PTPN1: variants seen among roughly 807,000 people sequenced by gnomAD.
The protein encoded by PTPN1 is protein tyrosine phosphatase non-receptor type 1, also known as tyrosine-protein phosphatase non-receptor type 1.
PTPN1 carries 12 observed loss-of-function variants against 59.9 expected under a neutral mutation model. The observed-to-expected ratio is 0.20, with a 90% CI of 0.13 to 0.32. The LOEUF (loss-of-function observed/expected upper bound fraction) is 0.32. Ranked by LOEUF, PTPN1 falls within the 10% of genes least tolerant of loss-of-function variation. The probability of loss-of-function intolerance (pLI) is 1.00; values close to 1 mark genes in which losing one functional copy is unlikely to be tolerated. For missense variants in PTPN1, 356 were observed against 549.2 expected (o/e 0.65, Z 3.52); for synonymous variants, 178 against 203.6 (o/e 0.87, Z 1.07).
chr20:50,562,352 A>G (rs2122778686), intron 2 of PTPN1, among the ~76,000 whole-genome samples: 1 of 152,284 alleles, frequency 6.6e-6, no homozygotes, highest in African/African-American at 2.4e-5. Context: ...GTGCATCCTG[A>G]CCTGACTTAT....
At chr20:50,530,946 C>G (rs1363368362) in intron 1 of PTPN1, among the ~76,000 whole-genome samples, 1 of 152,086 alleles carries the variant, frequency 6.6e-6, no homozygotes, top group Non-Finnish European at 1.5e-5. Context: ...TCAAGCAGTC[C>G]TCCTGCCTTG....
intron 1 of PTPN1, among the ~76,000 whole-genome samples, chr20:50,537,022 C>T (rs550046922): frequency 3.9e-5 from 6 of 152,158 alleles, no homozygotes; most frequent in South Asian, 2.1e-4. Flanking sequence ...GATTCCTGTG[C>T]AGTTGAAAGA....
At chr20:50,563,106 CAAAAAAAAA>C (rs11483604) in intron 2 of PTPN1, 1 of 93,074 alleles carries the variant, frequency 1.1e-5, no homozygotes, top group African/African-American at 4.5e-5. Flanking sequence ...CTTGACTAGC[CAAAAAAAAA>C]AAAAAAAAAA....
intron 4 of PTPN1, chr20:50,573,695 CTCTGCCCCTGCTGA>C (rs1234918203): frequency 2.0e-5 from 3 of 152,250 alleles, no homozygotes; most frequent in African/African-American, 7.2e-5. Context: ...GACCCGGTAG[CTCTGCCCCTGCTGA>C]CCTGCCATTT....
At chr20:50,552,959 T>TA (rs1285393818) in intron 1 of PTPN1, among the ~76,000 whole-genome samples, 1 of 152,118 alleles carries the variant, frequency 6.6e-6, no homozygotes, top group Admixed American at 6.5e-5. Flanking sequence ...CTACTTATTA[T>TA]AAAAAAATAA....
At chr20:50,535,457 C>A (rs550865781) in intron 1 of PTPN1, among the ~76,000 whole-genome samples, 1 of 152,126 alleles carries the variant, frequency 6.6e-6, no homozygotes, top group Non-Finnish European at 1.5e-5. Context: ...ATTGAATCCC[C>A]TCTTTTTTGT....
In PTPN1 at chr20:50,567,436, TA is replaced by T. The variant is rs554480073; in HGVS notation, c.256-935del. Among the ~76,000 whole-genome samples, 31 of 150,370 alleles carry T rather than the reference TA, an allele frequency of 2.1e-4. No homozygotes were observed. The South Asian group carries it at 4.0e-3, about 19-fold the overall frequency. ...AGCGAGACTCTGCCTCAAAAAAAAT[TA>T]AAAAAAAATAAAGAGGTTAGGTGAA... On this transcript the variant is annotated intron_variant, in intron 3 of 9. Transcript: ENST00000371621.
chr20:50,538,122 C>T (rs1222665495), intron 1 of PTPN1, among the ~76,000 whole-genome samples: 3 of 151,926 alleles, frequency 2.0e-5, no homozygotes, highest in Admixed American at 6.6e-5. Flanking sequence ...TTGATTTATA[C>T]TTCCTGGTTT....
chr20:50,579,012 TC>T (rs2082851383), intron 6 of PTPN1, among the ~76,000 whole-genome samples, 155 bp from the exon 7 acceptor site: 1 of 152,086 alleles, frequency 6.6e-6, no homozygotes, highest in Admixed American at 6.5e-5. Context: ...GAGGGACCTG[TC>T]CCCCTGACCC....
Position 50,574,776 on chromosome 20 carries a change from G to A in PTPN1, c.492+122G>A. The A allele has an allele frequency of 3.0e-6, 4 of 1,312,272 alleles. No individual in the cohort carries two copies. In the East Asian group the frequency reaches 1.0e-4, roughly 33 times the overall value. 81.3% of individuals were successfully genotyped at this position (1,312,272 alleles called of 1,614,324 possible). Reference sequence around the variant, plus strand: ...GGCTTTTGTATACCCCGAGCAAGATGTGGTTTGGGCACTGTGGTGAGCGGA... The same window carrying A: ...GGCTTTTGTATACCCCGAGCAAGATATGGTTTGGGCACTGTGGTGAGCGGA... On this transcript the variant is annotated intron_variant, in intron 5 of 9. Coordinates refer to ENST00000371621, the MANE Select transcript of PTPN1 (RefSeq NM_002827.4).
In PTPN1 at chr20:50,539,788, A is replaced by C. The variant is rs2082641427; in HGVS notation, c.64-21575A>C. On this transcript the variant is annotated intron_variant, in intron 1 of 9. Coordinates refer to ENST00000371621, the MANE Select transcript of PTPN1 (RefSeq NM_002827.4). ...AGGATTTTTTTAACCTTTTAATTCA[A>C]AGTCTCATCATTTATGCAACCATGT... Among the ~76,000 whole-genome samples, 3 of 151,870 alleles carry C rather than the reference A, an allele frequency of 2.0e-5. No individual in the cohort carries two copies. The South Asian group carries it at 6.3e-4, about 32-fold the overall frequency.
intron 3 of PTPN1, 115 bp downstream of exon 3, chr20:50,565,184 A>G: frequency 2.8e-6 from 3 of 1,072,328 alleles, no homozygotes; most frequent in Non-Finnish European, 3.9e-6. Flanking sequence ...ATTTCAGCAT[A>G]CCAAAAAGCA....
At chr20:50,519,791 G>A (rs77012822) in intron 1 of PTPN1, among the ~76,000 whole-genome samples, 1 of 152,100 alleles carries the variant, frequency 6.6e-6, no homozygotes, top group Non-Finnish European at 1.5e-5. Flanking sequence ...GAAGTTAAAG[G>A]GTGCAGTTGG....
chr20:50,531,376 T>G (rs1159107230), intron 1 of PTPN1, among the ~76,000 whole-genome samples: 1 of 152,066 alleles, frequency 6.6e-6, no homozygotes, highest in Admixed American at 6.5e-5. Context: ...GGGAGTCTTT[T>G]TTTGTTTGTT....
intron 1 of PTPN1, among the ~76,000 whole-genome samples, chr20:50,537,792 G>C (rs886257895): frequency 2.0e-5 from 3 of 152,164 alleles, no homozygotes; most frequent in African/African-American, 7.2e-5. Flanking sequence ...GGTGCTGAAA[G>C]GTATGCTGGA....
At position 50,554,380 on chromosome 20, in the gene PTPN1, A is replaced by ATCTCTCTCTCTC. The variant is rs1555829975; in HGVS notation, c.64-6966_64-6955dup. ...CCAGCCTAGGCAACAGCAAGACCAC[A>ATCTCTCTCTCTC]TCTCTCTCTCTCTCTCTCTCTCTCT... On this transcript the variant is annotated intron_variant, in intron 1 of 9. Transcript: ENST00000371621. Among the ~76,000 whole-genome samples, 802 of 140,258 alleles carry ATCTCTCTCTCTC rather than the reference A, an allele frequency of 5.7e-3. 13 individuals are homozygous for ATCTCTCTCTCTC. Among genetic ancestry groups the ATCTCTCTCTCTC allele is most frequent in the African/African-American group, 0.021 (767 of 37,240 alleles). The allele number at this position is 140,258 out of a possible 152,430, so 92.0% of individuals were successfully genotyped here.
At chr20:50,548,747 G>C (rs532434956) in intron 1 of PTPN1, among the ~76,000 whole-genome samples, 1 of 152,002 alleles carries the variant, frequency 6.6e-6, no homozygotes, top group Non-Finnish European at 1.5e-5. Flanking sequence ...AGGGAGTCTC[G>C]CTCTGTCGTG....
At chr20:50,567,384 G>A (rs535528764) in intron 3 of PTPN1, among the ~76,000 whole-genome samples, 25 of 151,984 alleles carry the variant, frequency 1.6e-4, no homozygotes, top group South Asian at 1.0e-3. Context: ...CCAGGATTGC[G>A]CCCCTGTACT....
chr20:50,520,676 T>G (rs1251139179), intron 1 of PTPN1, among the ~76,000 whole-genome samples: 6 of 152,106 alleles, frequency 3.9e-5, no homozygotes, highest in Non-Finnish European at 1.5e-5. Flanking sequence ...CACAGAACAG[T>G]TGTGTTTCAG....
Sources: allele counts gnomAD v4.1 joint callset (sites outside exome capture counted in the v4.1 genomes callset), GRCh38; gene constraint gnomAD v4.1.1; transcripts MANE v1.5; gene names NCBI Gene and HGNC (gene_info 2026-07-23, HGNC 2026-07-21).